The following ZCCHC8 variants were observed in gnomAD, a reference collection of about 807,000 sequenced individuals.
ZCCHC8 encodes the protein zinc finger CCHC-type containing 8, also known as zinc finger CCHC domain-containing protein 8.
ZCCHC8 carries 27 observed loss-of-function variants against 70.6 expected under a neutral mutation model. The ratio of observed to expected loss-of-function variants is 0.38; its 90% CI spans 0.28 to 0.53. The LOEUF is 0.53. ZCCHC8 is among the 20% of genes least tolerant of loss of function. The pLI is 0.81. For synonymous variants in ZCCHC8, 293 were observed against 317.4 expected (o/e 0.92, Z 0.82); for missense variants, 737 against 876.9 (o/e 0.84, Z 2.01).
In ZCCHC8 at chr12:122,489,471, A is replaced by G; in HGVS notation, c.424-8T>C. ...TAGCACAATACTGGATGGCTAATAC[A>G]AAGAAAAACACATATTACAACCGGT... On this transcript the variant is annotated splice_polypyrimidine_tract_variant and splice_region_variant and intron_variant, in intron 4 of 13. Coordinates refer to ENST00000633063, the MANE Select transcript of ZCCHC8 (RefSeq NM_017612.5). 1 of 1,612,778 alleles carries G rather than the reference A, an allele frequency of 6.2e-7. No individual in the cohort carries two copies. Among genetic ancestry groups the G allele is most frequent in the Non-Finnish European group, 8.5e-7 (1 of 1,179,228 alleles).
chr12:122,473,660 G>A lies in ZCCHC8; in HGVS notation c.1961C>T (p.Thr654Ile), dbSNP rs542403695. 3.7e-6 allele frequency: 6 copies of A among 1,613,980 alleles called. No individual in the cohort carries two copies. The highest frequency in any genetic ancestry group is 4.5e-5 in the East Asian group (2 of 44,888). Residue 654 changes from threonine to isoleucine, a missense_variant, in exon 14 of 14, where the codon ACT (threonine) becomes ATT (isoleucine). Transcript: ENST00000633063. ...FPADTSPSTA[T>I]KIHSPIPDMS... is the part of the protein sequence containing the mutation. ...GTCAGGTATAGGGCTATGAATTTTA[G>A]TGGCCGTTGAAGGACTGGTGTCTGC... is the stretch of plus-strand genomic sequence containing the variant.
chr12:122,482,546 G>C, intron 8 of ZCCHC8, 89 bp downstream of exon 8: 1 of 929,592 alleles, frequency 1.1e-6, no homozygotes, highest in Non-Finnish European at 1.6e-6. Flanking sequence ...AACAAAGAAA[G>C]TTCCTTCATG....
chr12:122,483,700 GA>G lies in ZCCHC8; in HGVS notation c.502-138del. On this transcript the variant is annotated intron_variant, in intron 5 of 13. Transcript: ENST00000633063. The surrounding 1 kb of genome is among the most constrained non-coding windows in gnomAD (Gnocchi z 4.4). ...AAATAATAACTTCCTTGTTATTAAG[GA>G]GCCAGACTTTGATGTGTAAGTAGAA... The G allele has an allele frequency of 1.4e-6, 1 of 738,600 alleles. No homozygotes were observed. Among genetic ancestry groups the G allele is most frequent in the Admixed American group, 2.8e-5 (1 of 35,260 alleles). The allele number at this position is 738,600 out of a possible 1,614,324, so 45.8% of individuals were successfully genotyped here.
Position 122,489,560 on chromosome 12 carries a change from T to C in ZCCHC8, c.424-97A>G, listed in dbSNP as rs559290675. Reference sequence around the variant, plus strand: ...TTAGAAATTAAGCTAAGAATGTTTATGAACGACATTTCATGTGGGAGAATG... The same window carrying C: ...TTAGAAATTAAGCTAAGAATGTTTACGAACGACATTTCATGTGGGAGAATG... On this transcript the variant is annotated intron_variant, in intron 4 of 13. Coordinates refer to ENST00000633063, the MANE Select transcript of ZCCHC8 (RefSeq NM_017612.5). 2.3e-4 allele frequency: 249 copies of C among 1,097,556 alleles called. 1 individual carries two copies. In the African/African-American group the frequency reaches 3.1e-3, roughly 14 times the overall value. The allele number at this position is 1,097,556 out of a possible 1,614,324, so 68.0% of individuals were successfully genotyped here.
intron 10 of ZCCHC8, 89 bp downstream of exon 10, chr12:122,481,433 G>T: frequency 1.4e-6 from 2 of 1,455,536 alleles, no homozygotes; most frequent in Non-Finnish European, 1.8e-6. Context: ...TAAAGAAGCC[G>T]GCCATTCCTA....
At chr12:122,487,048 T>C (rs940689463) in intron 5 of ZCCHC8, among the ~76,000 whole-genome samples, 1 of 152,278 alleles carries the variant, frequency 6.6e-6, no homozygotes, top group African/African-American at 2.4e-5. Context: ...TGGGGCTTTC[T>C]ACTTACCTTC....
chr12:122,500,558 T>C lies in ZCCHC8; in HGVS notation c.199+84A>G. The C allele has an allele frequency of 7.0e-7, 1 of 1,433,736 alleles. No individual in the cohort carries two copies. The highest frequency in any genetic ancestry group is 9.2e-7 in the Non-Finnish European group (1 of 1,089,210). The allele number at this position is 1,433,736 out of a possible 1,614,324, so 88.8% of individuals were successfully genotyped here. ...GGAACTTCCGCCCGCGCCCTCGCCC[T>C]CGCCCGGCGCTGCCCCGGCCCCACG... is the stretch of plus-strand genomic sequence containing the variant. On this transcript the variant is annotated intron_variant, in intron 1 of 13. Transcript: ENST00000633063. The surrounding 1 kb of genome is among the most constrained non-coding windows in gnomAD (Gnocchi z 4.8).
chr12:122,496,962 C>A (rs149198960), intron 2 of ZCCHC8, among the ~76,000 whole-genome samples: 2 of 151,764 alleles, frequency 1.3e-5, no homozygotes, highest in Non-Finnish European at 2.9e-5. Flanking sequence ...CTGGCCAACA[C>A]GGTGAAACCC....
chr12:122,478,016 C>A, intron 12 of ZCCHC8, 58 bp from the exon 13 acceptor site: 1 of 1,355,016 alleles, frequency 7.4e-7, no homozygotes, highest in East Asian at 2.3e-5. Context: ...AATTAAACTC[C>A]ATCCCTTCAC....
At chr12:122,494,005 C>T (rs1018727016) in intron 2 of ZCCHC8, among the ~76,000 whole-genome samples, 1 of 152,108 alleles carries the variant, frequency 6.6e-6, no homozygotes, top group Admixed American at 6.6e-5. Flanking sequence ...GAGGGCAAAG[C>T]ATATTGTACT....
chr12:122,491,511 A>C (rs1957741645), intron 3 of ZCCHC8, among the ~76,000 whole-genome samples: 1 of 149,118 alleles, frequency 6.7e-6, no homozygotes, highest in African/African-American at 2.5e-5. Flanking sequence ...CCTGGGCAAA[A>C]AGAGTGAAAC....
chr12:122,478,407 T>G (rs1957463591), intron 11 of ZCCHC8, 115 bp from the exon 12 acceptor site: 1 of 720,754 alleles, frequency 1.4e-6, no homozygotes, highest in Non-Finnish European at 2.3e-6. Flanking sequence ...TTCCTTCTTA[T>G]GTTACTTTTC....
intron 5 of ZCCHC8, chr12:122,484,174 C>T (rs910142285): frequency 6.6e-6 from 1 of 152,280 alleles, no homozygotes; most frequent in African/African-American, 2.4e-5. Context: ...CTTACTGCAA[C>T]CTCCACCTGC....
In ZCCHC8 at chr12:122,477,999, G is replaced by C. The variant is rs374249730; in HGVS notation, c.1228-41C>G. 30 of 1,471,170 alleles carry C rather than the reference G, an allele frequency of 2.0e-5. 1 individual carries two copies. In the African/African-American group the frequency reaches 3.5e-4, roughly 17 times the overall value. 91.1% of individuals were successfully genotyped at this position (1,471,170 alleles called of 1,614,324 possible). On this transcript the variant is annotated intron_variant, in intron 12 of 13. Coordinates refer to ENST00000633063, the MANE Select transcript of ZCCHC8 (RefSeq NM_017612.5). ...GACCAAACACAAGTTAAGCGGGGTA[G>C]ATAATGAATTAAACTCCATCCCTTC... is the stretch of plus-strand genomic sequence containing the variant.
intron 2 of ZCCHC8, 122 bp downstream of exon 2, chr12:122,498,705 T>C (rs1957869343): frequency 2.1e-6 from 2 of 953,274 alleles, no homozygotes; most frequent in Non-Finnish European, 3.3e-6. Flanking sequence ...CTTCAGAGTA[T>C]GCTAAACAAA....
At chr12:122,482,597 CT>C in intron 8 of ZCCHC8, 37 bp downstream of exon 8, 1 of 1,537,754 alleles carries the variant, frequency 6.5e-7, no homozygotes, top group Non-Finnish European at 8.9e-7. Flanking sequence ...TTAGAAAGCT[CT>C]TGTTCAAAGA....
Position 122,489,418 on chromosome 12 carries a change from A to C in ZCCHC8, c.469T>G (p.Cys157Gly), listed in dbSNP as rs761962777. ...GCTTCCTTGTTGTTTTTAATGGCAC[A>C]GGACTCTTCCACTTTGTGGTCCTCC... ...LEEDHKVEES[C>G]AIKNNKEAFS... The change falls in exon 5 of 14, where the codon TGT becomes GGT. Residue 157 changes from cysteine (C) to glycine (G), a missense_variant. By Grantham distance (159) the Cys-to-Gly change is radical (BLOSUM62 -3). Transcript: ENST00000633063. The C allele has an allele frequency of 8.1e-6, 13 of 1,613,878 alleles. No homozygotes were observed. The highest frequency in any genetic ancestry group is 4.2e-6 in the Non-Finnish European group (5 of 1,179,816).
intron 4 of ZCCHC8, 83 bp from the exon 5 acceptor site, chr12:122,489,546 G>A (rs1957708303): frequency 1.6e-6 from 2 of 1,251,064 alleles, no homozygotes; most frequent in Non-Finnish European, 2.3e-6. Context: ...TAGAAATTAA[G>A]CTAAGAATGT....
In ZCCHC8 at chr12:122,483,816, C is replaced by T; in HGVS notation, c.502-253G>A. The stretch of plus-strand genomic sequence containing the variant: ...AGCTGCATTCTCTACAGAATTCAAA[C>T]AAAAAATGAAAACCTTGACTCTCAT... On this transcript the variant is annotated intron_variant, in intron 5 of 13. Transcript: ENST00000633063. This position sits in a 1 kb window ranked among gnomAD's most constrained non-coding sequence, Gnocchi z 4.4. 2.7e-6 allele frequency: 1 copy of T among 368,146 alleles called. No homozygotes were observed. The highest frequency in any genetic ancestry group is 5.1e-5 in the East Asian group (1 of 19,746). 22.8% of individuals were successfully genotyped at this position (368,146 alleles called of 1,614,324 possible).
Sources: allele counts gnomAD v4.1 joint callset (sites outside exome capture counted in the v4.1 genomes callset), GRCh38; gene constraint gnomAD v4.1.1; non-coding constraint Gnocchi (gnomAD v3.1); transcripts MANE v1.5; gene names NCBI Gene and HGNC (gene_info 2026-07-23, HGNC 2026-07-21).